The following YES1 variants were observed in gnomAD, a reference collection of about 807,000 sequenced individuals.
YES1 encodes YES proto-oncogene 1, Src family tyrosine kinase, also known as tyrosine-protein kinase Yes.
A neutral mutation model predicts 70.4 loss-of-function variants in YES1; 39 were observed. The observed-to-expected ratio is 0.55, with a 90% CI of 0.43 to 0.72. The LOEUF (loss-of-function observed/expected upper bound fraction) is 0.72. Among genes scored for constraint, YES1 ranks in the 30% least tolerant of loss-of-function variants. The pLI is 0.00. For synonymous variants in YES1, 198 were observed against 218.6 expected (o/e 0.91, Z 0.83); for missense variants, 495 against 644.8 (o/e 0.77, Z 2.52).
At chr18:786,253 A>C (rs1905932386) in intron 1 of YES1, among the ~76,000 whole-genome samples, 1 of 96,840 alleles carries the variant, frequency 1.0e-5, no homozygotes, top group South Asian at 3.9e-4. Context: ...AAAAGATAGA[A>C]GATGGGGTGG....
intron 1 of YES1, among the ~76,000 whole-genome samples, chr18:790,908 G>T (rs950836379): frequency 6.6e-6 from 1 of 152,056 alleles, no homozygotes; most frequent in Admixed American, 6.6e-5. Context: ...TGTTACCGAG[G>T]TTTCTCAGAA....
At chr18:768,642 G>T (rs538876857) in intron 1 of YES1, among the ~76,000 whole-genome samples, 5 of 152,122 alleles carry the variant, frequency 3.3e-5, no homozygotes, top group Admixed American at 1.3e-4. Context: ...CGGTGGTCCC[G>T]TAAGATTATA....
At position 796,636 on chromosome 18, in the gene YES1, A is replaced by G. The variant is rs574106379; in HGVS notation, c.-9+15478T>C. Among the ~76,000 whole-genome samples, 80 of 152,244 alleles carry G rather than the reference A, an allele frequency of 5.3e-4. 1 individual carries two copies. The highest frequency in any genetic ancestry group is 1.5e-3 in the African/African-American group (61 of 41,558). Reference sequence around the variant, plus strand: ...ACAAAAATTAGCCGGGCGTGGTGGCAGGCATCTGTAGTCTCAGTTGCTGAG... The same window carrying G: ...ACAAAAATTAGCCGGGCGTGGTGGCGGGCATCTGTAGTCTCAGTTGCTGAG... On this transcript the variant is annotated intron_variant, in intron 1 of 11. Coordinates refer to ENST00000314574, the MANE Select transcript of YES1 (RefSeq NM_005433.4).
intron 1 of YES1, among the ~76,000 whole-genome samples, chr18:810,173 ACTGT>A (rs1399884098): frequency 6.6e-6 from 1 of 152,242 alleles, no homozygotes; most frequent in African/African-American, 2.4e-5. Flanking sequence ...TAAATCATTT[ACTGT>A]CTAACATGAT....
rs751577972 is a variant in YES1, at chr18:751,687, A to AAT, written c.371+16_371+17dup. On this transcript the variant is annotated intron_variant, in intron 3 of 11. Coordinates refer to ENST00000314574, the MANE Select transcript of YES1 (RefSeq NM_005433.4). ...ATTTCTGTCAGTATTTCTCTCACAA[A>AAT]ATATTCATGACACTTACGTATTGTT... 5.5e-6 allele frequency: 8 copies of AAT among 1,465,052 alleles called. No homozygotes were observed. The East Asian group carries it at 1.8e-4, about 33-fold the overall frequency. 90.8% of individuals were successfully genotyped at this position (1,465,052 alleles called of 1,614,324 possible). A position where few individuals can be genotyped will look rare whatever the true frequency, so the allele number is the denominator to read the frequency against.
intron 1 of YES1, chr18:788,092 G>A (rs1004775346): frequency 6.6e-6 from 1 of 152,130 alleles, no homozygotes; most frequent in Non-Finnish European, 1.5e-5. Flanking sequence ...CCATTTACAT[G>A]TTTAATCTCC....
At chr18:731,259 A>G (rs2080084520) in intron 11 of YES1, among the ~76,000 whole-genome samples, 1 of 152,222 alleles carries the variant, frequency 6.6e-6, no homozygotes, top group South Asian at 2.1e-4. Flanking sequence ...ACAGGAGAAG[A>G]GTTCAAGCTA....
intron 11 of YES1, among the ~76,000 whole-genome samples, chr18:727,734 G>A (rs1380979547): frequency 6.6e-6 from 1 of 152,082 alleles, no homozygotes; most frequent in East Asian, 1.9e-4. Context: ...TACCCTTTGT[G>A]TTACTGTCAC....
At chr18:793,043 G>GTTTT (rs761477770) in intron 1 of YES1, among the ~76,000 whole-genome samples, 2 of 136,824 alleles carry the variant, frequency 1.5e-5, no homozygotes, top group Non-Finnish European at 1.6e-5. Flanking sequence ...ATTATTATTG[G>GTTTT]TTTTTTTTTT....
chr18:807,341 AAAAAAAAATTAG>A (rs1486517943), intron 1 of YES1, among the ~76,000 whole-genome samples: 3 of 151,554 alleles, frequency 2.0e-5, no homozygotes, highest in African/African-American at 7.3e-5. Flanking sequence ...CAAAAAAAAA[AAAAAAAAATTAG>A]CCAGGCATGG....
At chr18:741,114 G>A (rs934414624) in intron 8 of YES1, among the ~76,000 whole-genome samples, 10 of 152,008 alleles carry the variant, frequency 6.6e-5, no homozygotes, top group African/African-American at 2.4e-4. Context: ...GCCAGGCTGG[G>A]ATCGAACTCC....
intron 10 of YES1, 41 bp downstream of exon 10, chr18:736,765 AAC>A: frequency 6.3e-7 from 1 of 1,590,070 alleles, no homozygotes; most frequent in Non-Finnish European, 8.5e-7. Flanking sequence ...AGTTAAGCAA[AAC>A]ACACAACACA....
chr18:747,188 G>T (rs2080290355), intron 4 of YES1, among the ~76,000 whole-genome samples: 1 of 152,034 alleles, frequency 6.6e-6, no homozygotes. Context: ...TAAGTCTTTG[G>T]GCCAGGCACA....
chr18:809,764 T>TAA (rs11382218), intron 1 of YES1, among the ~76,000 whole-genome samples: 228 of 151,876 alleles, frequency 1.5e-3, no homozygotes, highest in African/African-American at 5.1e-3. Flanking sequence ...CTGGATTCCT[T>TAA]AAAAAAACAA....
intron 1 of YES1, among the ~76,000 whole-genome samples, chr18:799,664 C>T (rs1906720016): frequency 6.6e-6 from 1 of 152,152 alleles, no homozygotes. Context: ...GATCGCGCCA[C>T]TGCATTCCAG....
chr18:758,631 A>G (rs1904413690), intron 1 of YES1, among the ~76,000 whole-genome samples: 1 of 152,194 alleles, frequency 6.6e-6, no homozygotes, highest in Admixed American at 6.5e-5. Context: ...TTTTCCATTC[A>G]GGCTTTCCTT....
At chr18:780,376 G>A (rs1905598646) in intron 1 of YES1, among the ~76,000 whole-genome samples, 2 of 151,974 alleles carry the variant, frequency 1.3e-5, no homozygotes, top group African/African-American at 2.4e-5. Context: ...ATGGATTCAT[G>A]GGTCATCATG....
intron 11 of YES1, among the ~76,000 whole-genome samples, chr18:731,729 A>G (rs2080089310): frequency 6.6e-6 from 1 of 152,118 alleles, no homozygotes; most frequent in African/African-American, 2.4e-5. Context: ...GCATTCTGGG[A>G]GGCCGAGGCG....
At chr18:786,868 A>G (rs1905974683) in intron 1 of YES1, among the ~76,000 whole-genome samples, 2 of 152,020 alleles carry the variant, frequency 1.3e-5, no homozygotes, top group Non-Finnish European at 2.9e-5. Context: ...ACAGAAACAC[A>G]CATATAACAA....
Sources: gnomAD v4.1 joint callset for allele counts (sites outside exome capture counted in the v4.1 genomes callset) on GRCh38, gnomAD v4.1.1 for gene constraint, MANE v1.5 for transcripts, NCBI Gene and HGNC (gene_info 2026-07-23, HGNC 2026-07-21) for gene names.